RAB22A: variants seen among roughly 807,000 people sequenced by gnomAD.
RAB22A encodes the protein RAB22A, member RAS oncogene family, also known as ras-related protein Rab-22A.
A neutral mutation model predicts 30.2 loss-of-function variants in RAB22A; 13 were observed. That is an observed-to-expected ratio of 0.43 (90% CI 0.28 to 0.68). RAB22A has a LOEUF of 0.68. Ranked by LOEUF, RAB22A falls within the 30% of genes least tolerant of loss-of-function variation. The pLI is 0.18. For missense variants in RAB22A, 177 were observed against 246.8 expected (o/e 0.72, Z 1.89); for synonymous variants, 89 against 87.2 (o/e 1.02, Z -0.11).
chr20:58,311,153 A>G (rs1275795359), intron 2 of RAB22A, 31 bp downstream of exon 2: 1 of 1,525,118 alleles, frequency 6.6e-7, no homozygotes, highest in African/African-American at 1.4e-5. Context: ...ACACATCTAA[A>G]GGTGCATTGA....
At chr20:58,331,232 A>T (rs1310689933) in intron 2 of RAB22A, among the ~76,000 whole-genome samples, 2 of 151,936 alleles carry the variant, frequency 1.3e-5, no homozygotes, top group Non-Finnish European at 2.9e-5. Context: ...CCCTTTTAGG[A>T]TTCCTCCAAG....
chr20:58,314,796 G>A (rs779012623), intron 2 of RAB22A, among the ~76,000 whole-genome samples: 9 of 151,726 alleles, frequency 5.9e-5, no homozygotes, highest in African/African-American at 9.7e-5. Context: ...AGCCGAGATC[G>A]CACCACTGCA....
intron 5 of RAB22A, 33 bp downstream of exon 5, chr20:58,353,571 A>G (rs772402287): frequency 1.4e-6 from 2 of 1,460,734 alleles, no homozygotes. Context: ...TACAATACCT[A>G]TTATGTGTTC....
At chr20:58,323,337 G>T (rs1288091774) in intron 2 of RAB22A, among the ~76,000 whole-genome samples, 1 of 151,862 alleles carries the variant, frequency 6.6e-6, no homozygotes, top group African/African-American at 2.4e-5. Flanking sequence ...TAACCTTGCT[G>T]AATTTATTCA....
At chr20:58,357,824 A>T (rs1254590216) in intron 6 of RAB22A, among the ~76,000 whole-genome samples, 1 of 152,216 alleles carries the variant, frequency 6.6e-6, no homozygotes, top group Admixed American at 6.5e-5. Flanking sequence ...CAGACAACTC[A>T]AAGTGGTGGA....
Position 58,364,682 on chromosome 20 carries a change from T to C in RAB22A, c.*4979T>C, listed in dbSNP as rs767829440. On this transcript the variant is annotated 3_prime_UTR_variant, in exon 7 of 7. Coordinates refer to ENST00000244040, the MANE Select transcript of RAB22A (RefSeq NM_020673.3). ...ATTTTCATGAGCAAGAATTCAAGTA[T>C]CAAGGCCTATCAGCCAATTAAAAGC... is the stretch of plus-strand genomic sequence containing the variant. The C allele has an allele frequency of 6.6e-6, 1 of 151,886 alleles. No individual in the cohort carries two copies. Among genetic ancestry groups the C allele is most frequent in the Non-Finnish European group, 1.5e-5 (1 of 67,964 alleles). 9.4% of individuals were successfully genotyped at this position (151,886 alleles called of 1,614,324 possible).
Position 58,352,636 on chromosome 20 carries a change from T to C in RAB22A, c.199-637T>C, listed in dbSNP as rs1279169520. ...CCTCTCCCTTCTCTTTCCTCCCTGT[T>C]GTGTGTCACCGGTTGTGGAGGCCAG... On this transcript the variant is annotated intron_variant, in intron 3 of 6. Transcript: ENST00000244040. Among the ~76,000 whole-genome samples, 7 of 152,154 alleles carry C rather than the reference T, an allele frequency of 4.6e-5. No homozygotes were observed. In the East Asian group the frequency reaches 1.3e-3, roughly 29 times the overall value.
intron 2 of RAB22A, among the ~76,000 whole-genome samples, chr20:58,318,585 G>A (rs534732512): frequency 1.3e-5 from 2 of 151,680 alleles, no homozygotes; most frequent in Non-Finnish European, 2.9e-5. Context: ...AAACACTTCT[G>A]GTCAGCATTT....
At chr20:58,347,195 A>G (rs1370799539) in intron 3 of RAB22A, among the ~76,000 whole-genome samples, 2 of 151,744 alleles carry the variant, frequency 1.3e-5, no homozygotes, top group Non-Finnish European at 2.9e-5. Flanking sequence ...ATCCTCCCCA[A>G]CCTCCCCATT....
chr20:58,344,727 A>G (rs1391017934), intron 3 of RAB22A, among the ~76,000 whole-genome samples: 5 of 152,254 alleles, frequency 3.3e-5, no homozygotes, highest in Non-Finnish European at 7.3e-5. Context: ...CACCATAGAT[A>G]GTGTGTGTAG....
chr20:58,358,177 C>T (rs1229891411), intron 6 of RAB22A, among the ~76,000 whole-genome samples: 1 of 152,128 alleles, frequency 6.6e-6, no homozygotes, highest in Non-Finnish European at 1.5e-5. Context: ...AGTTATCAGC[C>T]AGGTAGGTAG....
chr20:58,358,209 T>C (rs1987164433), intron 6 of RAB22A, among the ~76,000 whole-genome samples: 1 of 152,216 alleles, frequency 6.6e-6, no homozygotes, highest in African/African-American at 2.4e-5. Flanking sequence ...AAGGATTCTC[T>C]TGAAATTGTC....
Position 58,315,310 on chromosome 20 carries a change from G to A in RAB22A, c.116+4188G>A, listed in dbSNP as rs372913685. Among the ~76,000 whole-genome samples the A allele has an allele frequency of 5.3e-5, 8 of 152,214 alleles. No individual in the cohort carries two copies. In the East Asian group the frequency reaches 1.2e-3, roughly 22 times the overall value. On this transcript the variant is annotated intron_variant, in intron 2 of 6. Coordinates refer to ENST00000244040, the MANE Select transcript of RAB22A (RefSeq NM_020673.3). ...GACACCTCACCTTCACCTGTATAAT[G>A]TGACCTCCAAGCCCATGCCTCCAAC...
Position 58,328,372 on chromosome 20 carries a change from CA to C in RAB22A, c.117-15345del, listed in dbSNP as rs566783304. On this transcript the variant is annotated intron_variant, in intron 2 of 6. Transcript: ENST00000244040. The stretch of plus-strand genomic sequence containing the variant: ...AAATTTTTTTTATTTTTTGTAGAGA[CA>C]GGGTCTGGCTATGTTGCCCAGGCTG... 9.4e-4 allele frequency among the ~76,000 whole-genome samples: 143 copies of C among 152,134 alleles called. 1 individual carries two copies. Among genetic ancestry groups the C allele is most frequent in the Middle Eastern group, 3.4e-3 (1 of 294 alleles).
intron 2 of RAB22A, among the ~76,000 whole-genome samples, chr20:58,313,738 G>A (rs1986277180): frequency 6.6e-6 from 1 of 152,152 alleles, no homozygotes. Flanking sequence ...TGCTAGACTG[G>A]GTGCTGGTGC....
chr20:58,363,327 T>C lies in RAB22A; in HGVS notation c.*3624T>C, dbSNP rs1568684755. The C allele has an allele frequency of 6.6e-6, 1 of 152,112 alleles. No individual in the cohort carries two copies. The highest frequency in any genetic ancestry group is 1.5e-5 in the Non-Finnish European group (1 of 68,010). 9.4% of individuals were successfully genotyped at this position (152,112 alleles called of 1,614,324 possible). A position where few individuals can be genotyped will look rare whatever the true frequency, so the allele number is the denominator to read the frequency against. On this transcript the variant is annotated 3_prime_UTR_variant, in exon 7 of 7. Transcript: ENST00000244040. ...GATGTGATTTATGGGCCCTTAAGAG[T>C]ATAAGATATAGGTGCACAGTATGTT...
intron 1 of RAB22A, 99 bp downstream of exon 1, chr20:58,310,111 C>A: frequency 8.7e-7 from 1 of 1,144,946 alleles, no homozygotes; most frequent in South Asian, 4.4e-5. Flanking sequence ...CCTCCCACGT[C>A]CAAGACGCTG....
intron 2 of RAB22A, among the ~76,000 whole-genome samples, chr20:58,334,353 T>A (rs1026046737): frequency 6.6e-6 from 1 of 151,488 alleles, no homozygotes; most frequent in Non-Finnish European, 1.5e-5. Flanking sequence ...AAAAAAATTC[T>A]TTTTTTTAAG....
chr20:58,335,497 GA>G (rs956159145), intron 2 of RAB22A, among the ~76,000 whole-genome samples: 5 of 150,908 alleles, frequency 3.3e-5, no homozygotes, highest in East Asian at 1.9e-4. Flanking sequence ...ATAGGATAGA[GA>G]AAAAAAAATC....
Sources: allele counts gnomAD v4.1 joint callset (sites outside exome capture counted in the v4.1 genomes callset), GRCh38; gene constraint gnomAD v4.1.1; transcripts MANE v1.5; gene names NCBI Gene and HGNC (gene_info 2026-07-23, HGNC 2026-07-21).